Variants in CHLSN observed in about 807,000 individuals in gnomAD.
The protein encoded by CHLSN is protein cholesin.
chr7:1,110,641 G>A, the CHLSN span, among the ~76,000 whole-genome samples: 2 of 152,222 alleles, frequency 1.3e-5, no homozygotes, highest in Non-Finnish European at 2.9e-5. Flanking sequence ...GGGCCTGTGC[G>A]GCCACAGCGC....
the CHLSN span, chr7:1,059,250 A>C: frequency 6.0e-6 from 1 of 166,804 alleles, no homozygotes; most frequent in Non-Finnish European, 1.5e-5. Flanking sequence ...ATAAATAAAC[A>C]AAAGAAAGGT....
the CHLSN span, among the ~76,000 whole-genome samples, chr7:993,428 G>C: frequency 2.0e-3 from 308 of 152,332 alleles, 2 homozygotes; most frequent in African/African-American, 7.2e-3. Flanking sequence ...TCCAGGGAGA[G>C]GAGTGGGGAG....
the CHLSN span, among the ~76,000 whole-genome samples, chr7:1,124,475 C>CG: frequency 1.3e-5 from 2 of 149,736 alleles, no homozygotes; most frequent in Non-Finnish European, 3.0e-5. Context: ...CAGCAGCTCT[C>CG]GGGAAACCAG....
At chr7:1,034,189 A>G in the CHLSN span, among the ~76,000 whole-genome samples, 10 of 152,232 alleles carry the variant, frequency 6.6e-5, no homozygotes, top group East Asian at 1.5e-3. Context: ...AGCAACAAGG[A>G]AATGCTTAGC....
the CHLSN span, among the ~76,000 whole-genome samples, chr7:987,940 G>A: frequency 2.1e-5 from 3 of 141,190 alleles, no homozygotes; most frequent in African/African-American, 5.7e-5. Flanking sequence ...TCCTGGGGGG[G>A]TCCCCTGTGT....
At chr7:983,111 TG>T in the CHLSN span, 3 of 855,824 alleles carry the variant, frequency 3.5e-6, no homozygotes, top group Non-Finnish European at 4.5e-6. Flanking sequence ...CTCGGGGTGG[TG>T]GGGTGGGTGG....
the CHLSN span, among the ~76,000 whole-genome samples, chr7:1,070,197 A>G: frequency 8.4e-6 from 1 of 119,596 alleles, no homozygotes; most frequent in Non-Finnish European, 1.8e-5. Context: ...CCCGGCAGCC[A>G]CCCCATCTGG....
At chr7:1,002,577 C>T in the CHLSN span, among the ~76,000 whole-genome samples, 280 of 20,152 alleles carry the variant, frequency 0.014, 10 homozygotes, top group East Asian at 0.04. Flanking sequence ...GTGAGTGGAG[C>T]CCTGCGGGTG....
At chr7:1,076,425 C>T in the CHLSN span, among the ~76,000 whole-genome samples, 14 of 152,136 alleles carry the variant, frequency 9.2e-5, no homozygotes, top group Admixed American at 5.2e-4. Flanking sequence ...CACCTCCCTC[C>T]CAGGCATGGG....
the CHLSN span, among the ~76,000 whole-genome samples, chr7:1,040,182 T>TTAAAAAAA: frequency 6.2e-4 from 60 of 96,104 alleles, 1 homozygote; most frequent in African/African-American, 2.3e-3. Context: ...AAAAATAAAT[T>TTAAAAAAA]TAAAAAAAAA....
chr7:1,027,058 C>T, the CHLSN span: 1 of 152,170 alleles, frequency 6.6e-6, no homozygotes, highest in Non-Finnish European at 1.5e-5. Flanking sequence ...GAGAAAAAAA[C>T]CAGAACATGT....
chr7:1,072,027 G>A, the CHLSN span, among the ~76,000 whole-genome samples: 3 of 152,216 alleles, frequency 2.0e-5, no homozygotes, highest in Admixed American at 6.5e-5. Context: ...GCCACACAGG[G>A]GAAGAGCGGG....
chr7:1,106,782 A>C, the CHLSN span, among the ~76,000 whole-genome samples: 1 of 152,144 alleles, frequency 6.6e-6, no homozygotes, highest in Admixed American at 6.5e-5. Flanking sequence ...CTCCCAAAAG[A>C]CCAACTGACC....
At chr7:1,050,736 G>C in the CHLSN span, among the ~76,000 whole-genome samples, 2 of 152,216 alleles carry the variant, frequency 1.3e-5, no homozygotes, top group Non-Finnish European at 2.9e-5. Context: ...CTATCCTCAC[G>C]AGTACGCATT....
chr7:985,113 C>T, the CHLSN span: 10 of 1,609,742 alleles, frequency 6.2e-6, no homozygotes, highest in East Asian at 2.2e-5. Flanking sequence ...AGCAGGGGGC[C>T]GGGGACGCCC....
chr7:1,123,630 C>T, the CHLSN span, among the ~76,000 whole-genome samples: 91 of 151,946 alleles, frequency 6.0e-4, no homozygotes, highest in African/African-American at 2.1e-3. This position sits in a 1 kb window ranked among gnomAD's most constrained non-coding sequence, Gnocchi z 4.4. Flanking sequence ...CCCATGAGAA[C>T]CAGGGAGAGT....
the CHLSN span, among the ~76,000 whole-genome samples, chr7:1,132,419 A>T: frequency 2.0e-5 from 3 of 151,862 alleles, no homozygotes; most frequent in Admixed American, 6.6e-5. Context: ...CAGGCTAGGC[A>T]CTGTGGCTCA....
At chr7:1,090,543 C>T in the CHLSN span, among the ~76,000 whole-genome samples, 131 of 151,132 alleles carry the variant, frequency 8.7e-4, no homozygotes, top group African/African-American at 3.1e-3. Context: ...TGGGACCCTA[C>T]CCACTGGCGG....
the CHLSN span, among the ~76,000 whole-genome samples, chr7:1,112,676 C>T: frequency 6.7e-6 from 1 of 148,552 alleles, no homozygotes; most frequent in Admixed American, 6.8e-5. Context: ...CTGTCCTCTT[C>T]GAAACGGGAG....
Sources: gnomAD v4.1 joint callset for allele counts (sites outside exome capture counted in the v4.1 genomes callset) on GRCh38, gnomAD v4.1.1 for gene constraint, Gnocchi (gnomAD v3.1) non-coding constraint, MANE v1.5 for transcripts, NCBI Gene and HGNC (gene_info 2026-07-23, HGNC 2026-07-21) for gene names.